The following CD83 variants were observed in gnomAD, a reference collection of about 807,000 sequenced individuals.
CD83 encodes the protein CD83 antigen.
In CD83, 22 loss-of-function variants were observed where a neutral mutation model predicts 24.6. That is an observed-to-expected ratio of 0.90 (90% confidence interval 0.64 to 1.28). The LOEUF is 1.28. Ranked by LOEUF, CD83 falls within the 50% of genes most tolerant of loss-of-function variation. The pLI is 0.00. For missense variants in CD83, 253 were observed against 252.8 expected (o/e 1.00, Z -0.01); for synonymous variants, 101 against 103.5 (o/e 0.98, Z 0.14).
upstream of CD83, chr6:14,117,603 C>T (rs1759558189): frequency 8.9e-6 from 1 of 112,050 alleles, no homozygotes; most frequent in Non-Finnish European, 1.4e-5. This position sits in a 1 kb window ranked among gnomAD's most constrained non-coding sequence, Gnocchi z 4.6. Context: ...GGGGCGGGGA[C>T]GGGGGCGGGG....
upstream of CD83, chr6:14,117,746 A>G (rs1413282812): frequency 2.4e-6 from 3 of 1,273,302 alleles, no homozygotes; most frequent in African/African-American, 3.2e-5. This position sits in a 1 kb window ranked among gnomAD's most constrained non-coding sequence, Gnocchi z 4.6. Context: ...GCGCGGGCAT[A>G]AAAGGGCAGC....
chr6:14,117,873 G>A lies in CD83; in HGVS notation c.37+25G>A, dbSNP rs1352490355. 2.5e-6 allele frequency: 4 copies of A among 1,575,980 alleles called. No homozygotes were observed. In the South Asian group the frequency reaches 3.4e-5, roughly 13 times the overall value. On this transcript the variant is annotated intron_variant, in intron 1 of 4. Transcript: ENST00000379153. The surrounding 1 kb of genome is among the most constrained non-coding windows in gnomAD (Gnocchi z 4.6). The stretch of plus-strand genomic sequence containing the variant: ...GGTAGGGCTCGCGAGCGCCTGTCTC[G>A]CCTGTCGCCCCCCGCCCCTCCACGA...
intron 2 of CD83, among the ~76,000 whole-genome samples, chr6:14,126,311 A>G (rs377604020): frequency 3.2e-4 from 48 of 152,358 alleles, no homozygotes; most frequent in Non-Finnish European, 5.7e-4. Context: ...GAGTAGTAAC[A>G]TCTTCAGGGC....
intron 3 of CD83, among the ~76,000 whole-genome samples, chr6:14,132,438 G>A (rs1581334067): frequency 6.6e-6 from 1 of 152,164 alleles, no homozygotes; most frequent in Non-Finnish European, 1.5e-5. Context: ...CTCTTCCATG[G>A]CGATATTGCC....
At chr6:14,120,527 A>G (rs1239634757) in intron 2 of CD83, among the ~76,000 whole-genome samples, 1 of 152,218 alleles carries the variant, frequency 6.6e-6, no homozygotes, top group Non-Finnish European at 1.5e-5. Context: ...TACTCACTTC[A>G]TCATCACTAC....
At chr6:14,134,700 G>A (rs923597205) in intron 4 of CD83, among the ~76,000 whole-genome samples, 2 of 152,200 alleles carry the variant, frequency 1.3e-5, no homozygotes, top group Admixed American at 6.5e-5. Flanking sequence ...ACTGTACAGG[G>A]CATAAAAAGG....
chr6:14,136,580 C>T lies in CD83; in HGVS notation c.*1344C>T, dbSNP rs1410302664. The stretch of plus-strand genomic sequence containing the variant: ...TTTTATTGCTTGAGTTATATGTTCA[C>T]TGTCCCCCTAATATTAGGGAGTAAA... On this transcript the variant is annotated 3_prime_UTR_variant, in exon 5 of 5. Coordinates refer to ENST00000379153, the MANE Select transcript of CD83 (RefSeq NM_004233.4). The T allele has an allele frequency of 6.6e-6, 1 of 152,206 alleles. No individual in the cohort carries two copies. Among genetic ancestry groups the T allele is most frequent in the Admixed American group, 6.5e-5 (1 of 15,284 alleles). 9.4% of individuals were successfully genotyped at this position (152,206 alleles called of 1,614,324 possible).
chr6:14,117,644 C>A (rs1266873063), upstream of CD83: 4 of 383,900 alleles, frequency 1.0e-5, no homozygotes, highest in Non-Finnish European at 1.8e-5. This position sits in a 1 kb window ranked among gnomAD's most constrained non-coding sequence, Gnocchi z 4.6. Flanking sequence ...GACGGGGGCG[C>A]CCCGGCCTAA....
chr6:14,119,300 T>G (rs980124928), intron 2 of CD83, among the ~76,000 whole-genome samples: 4 of 152,236 alleles, frequency 2.6e-5, no homozygotes, highest in Non-Finnish European at 5.9e-5. Context: ...TAAATATTCC[T>G]ACTTCATTGG....
rs1196515226 is a variant in CD83 at position 14,118,072 on chromosome 6, G to A, written c.153+7G>A. ...CACGGTCTCCTGGGTCAAGGTAGGT[G>A]CTGCGATACCCACGGGCTGGGGTTT... On this transcript the variant is annotated splice_region_variant and intron_variant, in intron 2 of 4. Coordinates refer to ENST00000379153, the MANE Select transcript of CD83 (RefSeq NM_004233.4). 1.9e-6 allele frequency: 3 copies of A among 1,590,870 alleles called. No individual in the cohort carries two copies. Among genetic ancestry groups the A allele is most frequent in the African/African-American group, 1.3e-5 (1 of 74,370 alleles).
At chr6:14,119,991 T>A (rs1346471339) in intron 2 of CD83, among the ~76,000 whole-genome samples, 1 of 152,240 alleles carries the variant, frequency 6.6e-6, no homozygotes, top group Non-Finnish European at 1.5e-5. Context: ...ACGCATGAGC[T>A]TGTTTATTGG....
Position 14,118,029 on chromosome 6 carries a change from G to A in CD83, c.117G>A (p.Trp39Ter). ...TGGACTTGCCCTGCACCGCCCCCTG[G>A]GATCCGCAGGTTCCCTACACGGTCT... Reference protein sequence around the residue: ...EDVDLPCTAPWDPQVPYTVSW... With the variant: ...EDVDLPCTAP Residue 39 changes from tryptophan (W) to a stop codon, truncating the protein, a stop_gained, in exon 2 of 5, where the codon TGG becomes TGA. Coordinates refer to ENST00000379153, the MANE Select transcript of CD83 (RefSeq NM_004233.4). LOFTEE classifies it high-confidence loss of function. The A allele has an allele frequency of 6.2e-7, 1 of 1,610,496 alleles. No homozygotes were observed. Among genetic ancestry groups the A allele is most frequent in the East Asian group, 2.2e-5 (1 of 44,590 alleles).
Position 14,127,778 on chromosome 6 carries a change from C to T in CD83, c.154-3742C>T, listed in dbSNP as rs376624681. Among the ~76,000 whole-genome samples, 26 of 152,146 alleles carry T rather than the reference C, an allele frequency of 1.7e-4. No homozygotes were observed. In the East Asian group the frequency reaches 1.7e-3, roughly 10 times the overall value. On this transcript the variant is annotated intron_variant, in intron 2 of 4. Coordinates refer to ENST00000379153, the MANE Select transcript of CD83 (RefSeq NM_004233.4). ...GGCTTTCTGAAAATGAGATGTCCCA[C>T]GTTTGCACTTTTCCAGCCCAACCAA...
At position 14,118,017 on chromosome 6, in the gene CD83, C is replaced by A; in HGVS notation, c.105C>A (p.Cys35Ter). 3 of 1,611,006 alleles carry A rather than the reference C, an allele frequency of 1.9e-6. No homozygotes were observed. The highest frequency in any genetic ancestry group is 2.5e-6 in the Non-Finnish European group (3 of 1,179,206). ...VACSEDVDLP[C>*]TAPWDPQVPY... ...GCTCCGAAGATGTGGACTTGCCCTG[C>A]ACCGCCCCCTGGGATCCGCAGGTTC... is the stretch of plus-strand genomic sequence containing the variant. The change falls in exon 2 of 5, where the codon TGC (cysteine) becomes TGA (stop). Residue 35 changes from cysteine (C) to a stop codon, truncating the protein, a stop_gained. Coordinates refer to ENST00000379153, the MANE Select transcript of CD83 (RefSeq NM_004233.4). LOFTEE classifies it high-confidence loss of function.
At position 14,117,848 on chromosome 6, in the gene CD83, G is replaced by T. The variant is rs1321921169; in HGVS notation, c.37G>T (p.Ala13Ser). 1 of 1,575,042 alleles carries T rather than the reference G, an allele frequency of 6.3e-7. No individual in the cohort carries two copies. ...CCTCCAGCTTCTGCTCCTGAGCTGC[G>T]GTAGGGCTCGCGAGCGCCTGTCTCG... The part of the protein sequence containing the change: ...RGLQLLLLSC[A>S]YSLAPATPEV... Residue 13 changes from alanine (A) to serine (S), a missense_variant and splice_region_variant, in exon 1 of 5, where the codon GCC becomes TCC. Transcript: ENST00000379153. This position sits in a 1 kb window ranked among gnomAD's most constrained non-coding sequence, Gnocchi z 4.6.
At position 14,133,775 on chromosome 6, in the gene CD83, ATCT is replaced by A. The variant is rs769902095; in HGVS notation, c.489+24_489+26del. 6.8e-7 allele frequency: 1 copy of A among 1,473,086 alleles called. No individual in the cohort carries two copies. Among genetic ancestry groups the A allele is most frequent in the Admixed American group, 1.7e-5 (1 of 58,514 alleles). The allele number at this position is 1,473,086 out of a possible 1,614,324, so 91.3% of individuals were successfully genotyped here. ...ACTTGTGTAAGTATCTTCTTAAAAC[ATCT>A]TCTCTTATTAAAAGATTACCCAGGG... is the stretch of plus-strand genomic sequence containing the variant. On this transcript the variant is annotated intron_variant, in intron 4 of 4. Coordinates refer to ENST00000379153, the MANE Select transcript of CD83 (RefSeq NM_004233.4).
intron 2 of CD83, among the ~76,000 whole-genome samples, chr6:14,128,619 G>A (rs1324329064): frequency 2.0e-5 from 3 of 152,178 alleles, no homozygotes; most frequent in Non-Finnish European, 4.4e-5. Context: ...TTAGGAAAAG[G>A]GGTGTTTGGA....
In CD83 at chr6:14,118,030, G is replaced by T; in HGVS notation, c.118G>T (p.Asp40Tyr). The change falls in exon 2 of 5, where the codon GAT (aspartate) becomes TAT (tyrosine). Residue 40 changes from aspartate (D) to tyrosine (Y), a missense_variant. Transcript: ENST00000379153. ...GGACTTGCCCTGCACCGCCCCCTGG[G>T]ATCCGCAGGTTCCCTACACGGTCTC... ...DVDLPCTAPW[D>Y]PQVPYTVSWV... is the part of the protein sequence containing the mutation. The T allele has an allele frequency of 1.2e-6, 2 of 1,610,616 alleles. No homozygotes were observed. Among genetic ancestry groups the T allele is most frequent in the Middle Eastern group, 1.7e-4 (1 of 6,060 alleles).
rs569054787 is a variant in CD83, at chr6:14,133,622, C to T, written c.383-27C>T. On this transcript the variant is annotated intron_variant, in intron 3 of 4. Coordinates refer to ENST00000379153, the MANE Select transcript of CD83 (RefSeq NM_004233.4). Reference sequence around the variant, plus strand: ...TGGTAGAAAAATCCTGTTAAAATGGCTTCACATGTCGCTTACTTTTTTAAA... The same window carrying T: ...TGGTAGAAAAATCCTGTTAAAATGGTTTCACATGTCGCTTACTTTTTTAAA... 2.4e-4 allele frequency: 343 copies of T among 1,457,228 alleles called. 1 individual carries two copies. In the South Asian group the frequency reaches 3.8e-3, roughly 16 times the overall value. 90.3% of individuals were successfully genotyped at this position (1,457,228 alleles called of 1,614,324 possible). A position where few individuals can be genotyped will look rare whatever the true frequency, so the allele number is the denominator to read the frequency against.
Sources: allele counts gnomAD v4.1 joint callset (sites outside exome capture counted in the v4.1 genomes callset), GRCh38; gene constraint gnomAD v4.1.1; non-coding constraint Gnocchi (gnomAD v3.1); transcripts MANE v1.5; gene names NCBI Gene and HGNC (gene_info 2026-07-23, HGNC 2026-07-21).